The following OGG1 variants were observed in gnomAD, a reference collection of about 807,000 sequenced individuals.
OGG1 encodes N-glycosylase/DNA lyase.
OGG1 carries 35 observed loss-of-function variants against 42.3 expected under a neutral mutation model. That is an observed-to-expected ratio of 0.83 (90% CI 0.63 to 1.10). The LOEUF is 1.10. Among genes scored for constraint, OGG1 ranks in the 50% least tolerant of loss-of-function variants. OGG1 has a pLI of 0.00. For missense variants in OGG1, 484 were observed against 446.7 expected (o/e 1.08, Z -0.75); for synonymous variants, 189 against 179.0 (o/e 1.06, Z -0.44).
exon 8 of OGG1, chr3:9,765,873 A>G: frequency 6.2e-7 from 1 of 1,613,910 alleles, no homozygotes; most frequent in Non-Finnish European, 8.5e-7. Flanking sequence ...TGCCAGGATC[A>G]CCTCCGAGAA....
intron 1 of OGG1, 177 bp from the exon 2 acceptor site, chr3:9,750,768 C>T: frequency 1.2e-6 from 1 of 834,332 alleles, no homozygotes; most frequent in East Asian, 2.7e-5. Context: ...GTGCGCCATG[C>T]CCGGTTAAAT....
At chr3:9,775,252 A>C (rs546450270) in intron 2 of OGG1, among the ~76,000 whole-genome samples, 30 of 152,082 alleles carry the variant, frequency 2.0e-4, no homozygotes, top group East Asian at 5.8e-4. Context: ...AAAAAACCCC[A>C]AAAAAACAAA....
chr3:9,760,950 TGCC>T (rs1030080801), downstream of OGG1: 112 of 884,250 alleles, frequency 1.3e-4, no homozygotes, highest in Admixed American at 8.5e-4. Context: ...TCCTTGTATG[TGCC>T]GCCATCTTGC....
At chr3:9,757,537 C>T (rs1326823696), downstream of OGG1, 2 of 1,612,870 alleles carry the variant, frequency 1.2e-6, no homozygotes, top group East Asian at 2.2e-5. This position sits in a 1 kb window ranked among gnomAD's most constrained non-coding sequence, Gnocchi z 4.5. Flanking sequence ...AGGTCCAGGG[C>T]CCTAGAGCTG....
chr3:9,784,315 C>G, intron 3 of OGG1: 1 of 1,427,662 alleles, frequency 7.0e-7, no homozygotes, highest in Non-Finnish European at 9.4e-7. Flanking sequence ...ACCTGCCTTT[C>G]CCTTTGGGCA....
downstream of OGG1, chr3:9,760,784 C>T: frequency 6.2e-7 from 1 of 1,613,796 alleles, no homozygotes; most frequent in Non-Finnish European, 8.5e-7. Context: ...CAGGGAGAAA[C>T]TCATCCTCAT....
downstream of OGG1, chr3:9,761,261 TA>T: frequency 1.0e-5 from 6 of 580,164 alleles, no homozygotes; most frequent in Non-Finnish European, 1.8e-5. Flanking sequence ...TGTGCTGTGC[TA>T]AATTTACCCC....
downstream of OGG1, chr3:9,757,993 A>C: frequency 7.4e-7 from 1 of 1,345,984 alleles, no homozygotes; most frequent in Non-Finnish European, 9.9e-7. This position sits in a 1 kb window ranked among gnomAD's most constrained non-coding sequence, Gnocchi z 4.5. Context: ...CCCCCCAAAA[A>C]CCTCTACAAG....
Position 9,750,072 on chromosome 3 carries a change from C to G in OGG1, c.-215C>G, listed in dbSNP as rs2077222977. On this transcript the variant is annotated 5_prime_UTR_variant, in exon 1 of 7. Coordinates refer to ENST00000344629, the MANE Select transcript of OGG1 (RefSeq NM_002542.6). ...GGCGGGACCTACACCTCAGGAAAGC[C>G]GGAGAATTGGGGCACGAAGCGGGGC... The G allele has an allele frequency of 1.8e-5, 11 of 626,950 alleles. No individual in the cohort carries two copies. In the South Asian group the frequency reaches 2.3e-4, roughly 13 times the overall value. The allele number at this position is 626,950 out of a possible 1,614,324, so 38.8% of individuals were successfully genotyped here. A position where few individuals can be genotyped will look rare whatever the true frequency, so the allele number is the denominator to read the frequency against.
chr3:9,787,749 T>A (rs1267144698), exon 4 of OGG1: 1 of 1,271,310 alleles, frequency 7.9e-7, no homozygotes, highest in East Asian at 5.5e-5. Context: ...AGAAATCAGA[T>A]AAGTGAAGTG....
exon 8 of OGG1, chr3:9,766,425 A>C (rs557267204): frequency 4.3e-6 from 2 of 464,558 alleles, no homozygotes; most frequent in Non-Finnish European, 8.0e-6. Context: ...AACCATCAGC[A>C]TCACCCGGGA....
At chr3:9,774,669 C>T (rs2078343303) in intron 2 of OGG1, among the ~76,000 whole-genome samples, 2 of 152,076 alleles carry the variant, frequency 1.3e-5, no homozygotes, top group African/African-American at 4.8e-5. Flanking sequence ...TTTTGTATCT[C>T]ACTAGTGATA....
downstream of OGG1, chr3:9,767,630 C>T: frequency 6.2e-7 from 1 of 1,612,972 alleles, no homozygotes; most frequent in Non-Finnish European, 8.5e-7. Context: ...CTCAGCCTCC[C>T]TCAGCCATCC....
chr3:9,771,564 G>T (rs745675606), downstream of OGG1, among the ~76,000 whole-genome samples: 11 of 152,186 alleles, frequency 7.2e-5, no homozygotes, highest in Non-Finnish European at 1.2e-4. Context: ...GAGACTCAGA[G>T]AGAGGACTTG....
chr3:9,779,631 T>C (rs1184875640), intron 2 of OGG1, among the ~76,000 whole-genome samples: 3 of 152,088 alleles, frequency 2.0e-5, no homozygotes, highest in Admixed American at 1.3e-4. Flanking sequence ...GTTGTACACA[T>C]GTACCCTAGA....
chr3:9,787,495 A>T (rs1045761996), intron 3 of OGG1: 10 of 1,134,950 alleles, frequency 8.8e-6, no homozygotes, highest in Non-Finnish European at 1.2e-5. Flanking sequence ...ACGAAGATAA[A>T]ACCTGTACTT....
intron 5 of OGG1, 44 bp from the exon 6 acceptor site, chr3:9,756,723 C>T: frequency 6.2e-7 from 1 of 1,613,516 alleles, no homozygotes. Context: ...GTTGATGGGT[C>T]ACAGAAGGGG....
At chr3:9,771,790 T>G (rs1309108452) in intron 2 of OGG1, among the ~76,000 whole-genome samples, 2 of 150,594 alleles carry the variant, frequency 1.3e-5, no homozygotes, top group Non-Finnish European at 3.0e-5. Flanking sequence ...CCTCTGTCCT[T>G]TCGAGGACTT....
chr3:9,768,604 G>A (rs2078221312), downstream of OGG1, among the ~76,000 whole-genome samples: 1 of 152,208 alleles, frequency 6.6e-6, no homozygotes, highest in South Asian at 2.1e-4. Flanking sequence ...AGCTAAGCTT[G>A]CTGAGGGCAA....
Sources: allele counts gnomAD v4.1 joint callset (sites outside exome capture counted in the v4.1 genomes callset), GRCh38; gene constraint gnomAD v4.1.1; non-coding constraint Gnocchi (gnomAD v3.1); transcripts MANE v1.5; gene names NCBI Gene and HGNC (gene_info 2026-07-23, HGNC 2026-07-21).